RTN3: variants seen among roughly 807,000 people sequenced by gnomAD.
The protein encoded by RTN3 is reticulon 3.
A neutral mutation model predicts 77.8 loss-of-function variants in RTN3; 49 were observed. That is an observed-to-expected ratio of 0.63 (90% confidence interval 0.50 to 0.80). RTN3 has a LOEUF of 0.80. Among genes scored for constraint, RTN3 ranks in the 30% least tolerant of loss-of-function variants. RTN3 has a pLI of 0.00. For missense variants in RTN3, 1,236 were observed against 1,211.9 expected (o/e 1.02, Z -0.29); for synonymous variants, 464 against 446.9 (o/e 1.04, Z -0.48).
rs1253268587 is a variant in RTN3, at chr11:63,720,236, T to C, written c.1734T>C (p.Ser578=). The stretch of plus-strand genomic sequence containing the variant: ...ATATTCTTGGAAGGAGTCCAGCTAG[T>C]GAGGCAGCATGTTCAAAAGTACCCG... The part of the protein sequence containing the change: ...QPDILGRSPA[S]EAACSKVPDT... Residue 578 remains serine, a synonymous_variant, in exon 3 of 9, where the codon AGT becomes AGC. Transcript: ENST00000377819. 1 of 1,613,992 alleles carries C rather than the reference T, an allele frequency of 6.2e-7. No individual in the cohort carries two copies. The highest frequency in any genetic ancestry group is 8.5e-7 in the Non-Finnish European group (1 of 1,180,006).
intron 7 of RTN3, among the ~76,000 whole-genome samples, chr11:63,755,345 G>A (rs2014319574): frequency 6.6e-6 from 1 of 152,022 alleles, no homozygotes; most frequent in Non-Finnish European, 1.5e-5. Flanking sequence ...AAAACCAGAG[G>A]TTTTAAAAAT....
chr11:63,681,648 G>C lies in RTN3; in HGVS notation c.12G>C (p.Pro4=), dbSNP rs781322835. 2 of 1,592,988 alleles carry C rather than the reference G, an allele frequency of 1.3e-6. No homozygotes were observed. Among genetic ancestry groups the C allele is most frequent in the Non-Finnish European group, 1.7e-6 (2 of 1,168,534 alleles). Residue 4 remains proline, a synonymous_variant, in exon 1 of 9, where the codon CCG becomes CCC. Coordinates refer to ENST00000377819, the MANE Select transcript of RTN3 (RefSeq NM_001265589.2). ...TCGCTCGCGTAGCCATGGCGGAGCC[G>C]TCGGCGGCCACTCAGTCCCATTCCA... MAE[P]SAATQSHSIS...
At chr11:63,686,718 A>G (rs1345361830) in intron 1 of RTN3, among the ~76,000 whole-genome samples, 1 of 152,062 alleles carries the variant, frequency 6.6e-6, no homozygotes, top group Admixed American at 6.6e-5. Context: ...CTGTGGTCCC[A>G]GCCACTTAGG....
At chr11:63,714,654 A>G (rs2011292918) in intron 2 of RTN3, among the ~76,000 whole-genome samples, 1 of 151,368 alleles carries the variant, frequency 6.6e-6, no homozygotes, top group African/African-American at 2.4e-5. Flanking sequence ...CTGGGACTAC[A>G]GGCACGTGCC....
chr11:63,697,904 A>G (rs1268563173), intron 1 of RTN3, among the ~76,000 whole-genome samples: 1 of 152,008 alleles, frequency 6.6e-6, no homozygotes, highest in Non-Finnish European at 1.5e-5. Context: ...CTGTAAATAT[A>G]CTTGTCATTT....
intron 3 of RTN3, among the ~76,000 whole-genome samples, chr11:63,747,586 G>A (rs769015033): frequency 6.6e-6 from 1 of 152,130 alleles, no homozygotes; most frequent in Non-Finnish European, 1.5e-5. Flanking sequence ...TATTTTTAGT[G>A]TTTTATTGAA....
chr11:63,699,847 A>G (rs541168243), intron 1 of RTN3, among the ~76,000 whole-genome samples: 1 of 152,216 alleles, frequency 6.6e-6, no homozygotes, highest in Non-Finnish European at 1.5e-5. Context: ...TGGGCACTGT[A>G]TTACCAGTAC....
chr11:63,699,892 A>G (rs1590797379), intron 1 of RTN3, among the ~76,000 whole-genome samples: 1 of 152,188 alleles, frequency 6.6e-6, no homozygotes, highest in Admixed American at 6.6e-5. Context: ...CTTAATGAAA[A>G]TGGTTTCATT....
intron 3 of RTN3, among the ~76,000 whole-genome samples, chr11:63,740,448 A>ATT (rs34045543): frequency 0.012 from 1,405 of 120,708 alleles, 11 homozygotes; most frequent in African/African-American, 0.02. Context: ...TGCCTGGCTA[A>ATT]TTTTTTTTTT....
At chr11:63,686,198 C>T (rs934058467) in intron 1 of RTN3, among the ~76,000 whole-genome samples, 3 of 152,096 alleles carry the variant, frequency 2.0e-5, no homozygotes, top group African/African-American at 4.8e-5. Context: ...TGGCCGGGCA[C>T]GGTGGCTCAC....
chr11:63,723,549 G>A (rs1402816395), intron 3 of RTN3, among the ~76,000 whole-genome samples: 3 of 151,600 alleles, frequency 2.0e-5, no homozygotes, highest in Admixed American at 1.3e-4. Context: ...TCAGCCTTCC[G>A]AGTAGCTGGG....
chr11:63,719,903 A>G lies in RTN3; in HGVS notation c.1401A>G (p.Thr467=), dbSNP rs1415356513. Residue 467 remains threonine, a synonymous_variant, in exon 3 of 9, where the codon ACA becomes ACG. Coordinates refer to ENST00000377819, the MANE Select transcript of RTN3 (RefSeq NM_001265589.2). ...ACTCTTTGGGTTCTGGAGTGGCCAC[A>G]GTGAAAGTGGTTTTACCTGATGACC... is the stretch of plus-strand genomic sequence containing the variant. ...KCDSLGSGVA[T]VKVVLPDDHL... 1 of 1,614,150 alleles carries G rather than the reference A, an allele frequency of 6.2e-7. No individual in the cohort carries two copies. Among genetic ancestry groups the G allele is most frequent in the Admixed American group, 1.7e-5 (1 of 60,020 alleles).
intron 3 of RTN3, among the ~76,000 whole-genome samples, chr11:63,724,173 CTTTTTTTTTTTTTTTT>C (rs958114305): frequency 1.2e-5 from 1 of 85,464 alleles, no homozygotes; most frequent in Middle Eastern, 7.2e-3. Flanking sequence ...TTTAGGAATT[CTTTTTTTTTTTTTTTT>C]TTTTTTTTTT....
rs771529840 is a variant in RTN3, at chr11:63,720,013, T to G, written c.1511T>G (p.Val504Gly). 6.2e-6 allele frequency: 10 copies of G among 1,613,922 alleles called. No homozygotes were observed. Among genetic ancestry groups the G allele is most frequent in the Non-Finnish European group, 8.5e-6 (10 of 1,179,998 alleles). ...AGTTCTGGTGAGTCTGATGACACAG[T>G]AATAGAGGACATCACAGCAGATACA... ...ADSSGESDDTVIEDITADTSF... is the reference protein window; with the variant it reads ...ADSSGESDDTGIEDITADTSF... The change falls in exon 3 of 9, where the codon GTA becomes GGA. Residue 504 changes from valine (V) to glycine (G), a missense_variant. Physicochemically the swap from Val to Gly is moderately radical, Grantham distance 109. Transcript: ENST00000377819.
intron 8 of RTN3, 94 bp from the exon 9 acceptor site, chr11:63,758,062 C>T: frequency 1.1e-6 from 1 of 884,184 alleles, no homozygotes; most frequent in Non-Finnish European, 1.8e-6. Flanking sequence ...TATGCAAGTC[C>T]AGGACTGTCC....
chr11:63,684,133 T>TTTTTTTTTTTTTTTTG (rs1941232850), intron 1 of RTN3, among the ~76,000 whole-genome samples: 1 of 7,374 alleles, frequency 1.4e-4, no homozygotes. Context: ...CTTTTGGTTT[T>TTTTTTTTTTTTTTTTG]TTTTTTTTTT....
chr11:63,687,949 A>G (rs999325954), intron 1 of RTN3, among the ~76,000 whole-genome samples: 1 of 152,130 alleles, frequency 6.6e-6, no homozygotes, highest in Non-Finnish European at 1.5e-5. Flanking sequence ...CTTCACATTA[A>G]TGTCATAAAG....
chr11:63,756,830 G>A lies in RTN3; in HGVS notation c.3053+660G>A, dbSNP rs112692489. On this transcript the variant is annotated intron_variant, in intron 8 of 8. Transcript: ENST00000377819. Reference sequence around the variant, plus strand: ...TGGGAGGCCAAGGCCGGTGGATCACGAGGTCAGGAGTTCGAGACCAGCCTG... The same window carrying A: ...TGGGAGGCCAAGGCCGGTGGATCACAAGGTCAGGAGTTCGAGACCAGCCTG... 2.5e-3 allele frequency among the ~76,000 whole-genome samples: 388 copies of A among 152,296 alleles called. 4 individuals carry two copies. The highest frequency in any genetic ancestry group is 8.0e-3 in the African/African-American group (333 of 41,568).
At chr11:63,739,539 G>A (rs2013338253) in intron 3 of RTN3, among the ~76,000 whole-genome samples, 1 of 152,186 alleles carries the variant, frequency 6.6e-6, no homozygotes, top group Non-Finnish European at 1.5e-5. Context: ...CCAAAGAAAA[G>A]GACATTCCCT....
Sources: allele counts gnomAD v4.1 joint callset (sites outside exome capture counted in the v4.1 genomes callset), GRCh38; gene constraint gnomAD v4.1.1; transcripts MANE v1.5; gene names NCBI Gene and HGNC (gene_info 2026-07-23, HGNC 2026-07-21).